Variants in PDLIM1 observed in about 807,000 individuals in gnomAD.
PDLIM1 encodes PDZ and LIM domain protein 1.
Under a neutral mutation model 35.2 loss-of-function variants are expected in PDLIM1, and 25 were observed. The observed-to-expected ratio is 0.71, with a 90% confidence interval of 0.52 to 0.99. The LOEUF (loss-of-function observed/expected upper bound fraction) is 0.99. Ranked by LOEUF, PDLIM1 falls within the 50% of genes least tolerant of loss-of-function variation. PDLIM1 has a pLI of 0.00. For synonymous variants in PDLIM1, 152 were observed against 154.0 expected, an observed-to-expected ratio of 0.99 and a Z score of 0.10; for missense variants, 363 against 415.3, an observed-to-expected ratio of 0.87 and a Z score of 1.09.
At chr10:95,247,673 C>G (rs2035234156) in intron 4 of PDLIM1, 1 of 225,276 alleles carries the variant, frequency 4.4e-6, no homozygotes, top group Non-Finnish European at 8.6e-6. Flanking sequence ...CCATCAGCAG[C>G]ATTATGTCCA....
chr10:95,282,952 C>T (rs1012727476), intron 1 of PDLIM1, among the ~76,000 whole-genome samples: 2 of 152,096 alleles, frequency 1.3e-5, no homozygotes, highest in Non-Finnish European at 1.5e-5. Flanking sequence ...AAGAAGTCGT[C>T]GAGTTCCTCA....
chr10:95,247,610 T>C, intron 4 of PDLIM1: 1 of 390,748 alleles, frequency 2.6e-6, no homozygotes, highest in Non-Finnish European at 4.5e-6. Context: ...AGTAGCTCAA[T>C]TACTTTTTGG....
At chr10:95,261,407 G>A (rs7068656) in intron 4 of PDLIM1, among the ~76,000 whole-genome samples, 2 of 152,022 alleles carry the variant, frequency 1.3e-5, no homozygotes, top group Admixed American at 6.5e-5. Context: ...GGGATCACAG[G>A]CCCCCAGTGT....
chr10:95,274,355 G>A (rs901182653), intron 1 of PDLIM1, among the ~76,000 whole-genome samples: 1 of 149,790 alleles, frequency 6.7e-6, no homozygotes, highest in Non-Finnish European at 1.5e-5. Context: ...GTACAGTGGC[G>A]CAGTCTCGGC....
intron 1 of PDLIM1, among the ~76,000 whole-genome samples, chr10:95,284,500 C>T (rs780668782): frequency 6.6e-6 from 1 of 151,982 alleles, no homozygotes; most frequent in Non-Finnish European, 1.5e-5. Context: ...ACTACAGGTG[C>T]CTGCCACTAC....
intron 4 of PDLIM1, among the ~76,000 whole-genome samples, chr10:95,260,185 G>C (rs1294418494): frequency 1.3e-5 from 2 of 152,242 alleles, no homozygotes; most frequent in Non-Finnish European, 2.9e-5. Context: ...TGGTGGTAAA[G>C]AAGTTAGTAT....
intron 4 of PDLIM1, among the ~76,000 whole-genome samples, chr10:95,256,867 C>T (rs1481519048): frequency 1.3e-5 from 2 of 151,226 alleles, no homozygotes; most frequent in Non-Finnish European, 2.9e-5. Flanking sequence ...TCTAGATACT[C>T]AGGAGGCTAA....
At chr10:95,254,586 A>G (rs1157398200) in intron 4 of PDLIM1, among the ~76,000 whole-genome samples, 1 of 152,220 alleles carries the variant, frequency 6.6e-6, no homozygotes, top group Non-Finnish European at 1.5e-5. Flanking sequence ...TGATAGATCA[A>G]CTAGACAGAT....
chr10:95,277,336 G>T (rs922954529), intron 1 of PDLIM1, among the ~76,000 whole-genome samples: 4 of 151,826 alleles, frequency 2.6e-5, no homozygotes, highest in African/African-American at 9.7e-5. Context: ...AAGAATAAAT[G>T]GGGACAGGCA....
chr10:95,280,609 C>CT (rs2035553129), intron 1 of PDLIM1, among the ~76,000 whole-genome samples: 1 of 152,184 alleles, frequency 6.6e-6, no homozygotes, highest in South Asian at 2.1e-4. Context: ...GTACTGTTGC[C>CT]TTTTTGACAG....
chr10:95,242,962 G>A (rs1361499823), intron 5 of PDLIM1, among the ~76,000 whole-genome samples: 3 of 147,548 alleles, frequency 2.0e-5, no homozygotes, highest in African/African-American at 7.4e-5. Context: ...CTTATGCAAT[G>A]GGCTTTTCAC....
intron 4 of PDLIM1, among the ~76,000 whole-genome samples, chr10:95,259,707 A>C (rs1336621156): frequency 6.6e-6 from 1 of 152,230 alleles, no homozygotes; most frequent in Non-Finnish European, 1.5e-5. Flanking sequence ...AGCTCTGAAG[A>C]AGCCAGGGTT....
At chr10:95,273,996 A>G (rs754432864) in intron 1 of PDLIM1, among the ~76,000 whole-genome samples, 1 of 152,216 alleles carries the variant, frequency 6.6e-6, no homozygotes, top group South Asian at 2.1e-4. Context: ...GCCTGAATCA[A>G]GGAGAATAAT....
intron 4 of PDLIM1, among the ~76,000 whole-genome samples, chr10:95,258,821 A>C (rs1361213949): frequency 6.6e-6 from 1 of 152,176 alleles, no homozygotes; most frequent in African/African-American, 2.4e-5. Flanking sequence ...CATGTTTTTT[A>C]ACACAATAAA....
chr10:95,268,598 C>G (rs898110882), intron 3 of PDLIM1, among the ~76,000 whole-genome samples, 180 bp downstream of exon 3: 3 of 152,192 alleles, frequency 2.0e-5, no homozygotes, highest in African/African-American at 7.2e-5. Flanking sequence ...GGTTTTCCAG[C>G]CCTATCCTCC....
rs375596774 is a variant in PDLIM1 at position 95,238,573 on chromosome 10, C to T, written c.798G>A (p.Gly266=). The stretch of plus-strand genomic sequence containing the variant: ...TGTGGGAAGCAGATACTCACACAAT[C>T]CCAGTGCCACATTTGTCACACATAG... ...KLPMCDKCGT[G]IVGVFVKLRD... The change falls in exon 6 of 7, where the codon GGG becomes GGA. Residue 266 remains glycine (G), a synonymous_variant. Transcript: ENST00000329399. The T allele has an allele frequency of 3.8e-6, 6 of 1,594,748 alleles. No homozygotes were observed. Among genetic ancestry groups the T allele is most frequent in the Non-Finnish European group, 5.2e-6 (6 of 1,162,866 alleles).
chr10:95,258,871 T>C (rs1474980480), intron 4 of PDLIM1, among the ~76,000 whole-genome samples: 1 of 152,084 alleles, frequency 6.6e-6, no homozygotes, highest in African/African-American at 2.4e-5. Flanking sequence ...AGGAACAAAC[T>C]ATTGATACAT....
At chr10:95,245,113 C>T (rs1446893338) in intron 5 of PDLIM1, among the ~76,000 whole-genome samples, 1 of 152,200 alleles carries the variant, frequency 6.6e-6, no homozygotes, top group Non-Finnish European at 1.5e-5. Flanking sequence ...CAAGAACCAT[C>T]CAGACTAAGG....
chr10:95,255,567 G>A (rs1664500583), intron 4 of PDLIM1, among the ~76,000 whole-genome samples: 1 of 152,078 alleles, frequency 6.6e-6, no homozygotes, highest in Non-Finnish European at 1.5e-5. Context: ...AAAAGCATTT[G>A]ACAAAATTTA....
Sources: gnomAD v4.1 joint callset for allele counts (sites outside exome capture counted in the v4.1 genomes callset) on GRCh38, gnomAD v4.1.1 for gene constraint, MANE v1.5 for transcripts, NCBI Gene and HGNC (gene_info 2026-07-23, HGNC 2026-07-21) for gene names.